Variants in CCDC191 observed in about 807,000 individuals in gnomAD.
CCDC191 encodes the protein coiled-coil domain containing 191.
CCDC191 carries 99 observed loss-of-function variants against 114.0 expected under a neutral mutation model. The ratio of observed to expected loss-of-function variants is 0.87; its 90% confidence interval spans 0.74 to 1.03. CCDC191 has a LOEUF of 1.03. CCDC191 is among the 50% of genes least tolerant of loss of function. The probability of loss-of-function intolerance (pLI) is 0.00; values close to 1 mark genes in which losing one functional copy is unlikely to be tolerated. For synonymous variants in CCDC191, 351 were observed against 376.0 expected, an observed-to-expected ratio of 0.93 and a Z score of 0.77; for missense variants, 973 against 1,087.0, an observed-to-expected ratio of 0.90 and a Z score of 1.47.
chr3:113,987,382 T>G (rs1417557115), intron 13 of CCDC191, among the ~76,000 whole-genome samples: 1 of 152,200 alleles, frequency 6.6e-6, no homozygotes, highest in Non-Finnish European at 1.5e-5. Context: ...ATAATCATCT[T>G]ATTTTTAATT....
At chr3:114,028,275 A>ATTT (rs920211150) in intron 7 of CCDC191, among the ~76,000 whole-genome samples, 107 of 126,864 alleles carry the variant, frequency 8.4e-4, no homozygotes, top group Non-Finnish European at 9.7e-4. Context: ...AATTCTAAAA[A>ATTT]TTTTTTTTTT....
At chr3:113,993,372 A>G (rs1354796445) in intron 13 of CCDC191, among the ~76,000 whole-genome samples, 1 of 152,234 alleles carries the variant, frequency 6.6e-6, no homozygotes, top group Non-Finnish European at 1.5e-5. Flanking sequence ...GTAATCAAAG[A>G]CAGTATTACT....
chr3:113,979,369 A>C (rs1408684856), intron 14 of CCDC191, among the ~76,000 whole-genome samples: 11 of 152,246 alleles, frequency 7.2e-5, no homozygotes, highest in African/African-American at 2.4e-4. Flanking sequence ...ACTCCACAAC[A>C]AACCTCTCTT....
chr3:114,036,579 T>C (rs1382691081), intron 5 of CCDC191, 29 bp downstream of exon 5: 4 of 1,517,020 alleles, frequency 2.6e-6, no homozygotes, highest in African/African-American at 1.4e-5. Context: ...CTTCCTGTTA[T>C]CCATTTTAAT....
intron 16 of CCDC191, among the ~76,000 whole-genome samples, chr3:113,968,463 T>C (rs899849738): frequency 2.7e-5 from 4 of 148,480 alleles, no homozygotes; most frequent in South Asian, 2.1e-4. Context: ...TCCCCCCCCT[T>C]TTTTTTTTAG....
intron 4 of CCDC191, among the ~76,000 whole-genome samples, chr3:114,038,103 T>A (rs572298933): frequency 5.3e-5 from 8 of 152,348 alleles, no homozygotes; most frequent in Non-Finnish European, 1.0e-4. Flanking sequence ...TTTCTCCACA[T>A]CCTTACTAAT....
At chr3:114,055,388 T>C (rs776889386) in intron 1 of CCDC191, among the ~76,000 whole-genome samples, 1 of 152,240 alleles carries the variant, frequency 6.6e-6, no homozygotes, top group Non-Finnish European at 1.5e-5. Flanking sequence ...TGTATTGAAA[T>C]AGCAGCAGCC....
At chr3:113,967,366 C>T (rs951242281) in intron 16 of CCDC191, among the ~76,000 whole-genome samples, 2 of 148,830 alleles carry the variant, frequency 1.3e-5, no homozygotes, top group Non-Finnish European at 1.5e-5. Flanking sequence ...CTAGATCATC[C>T]TTGCCTACAT....
At chr3:114,043,520 C>A (rs1025880823) in intron 3 of CCDC191, among the ~76,000 whole-genome samples, 1 of 152,064 alleles carries the variant, frequency 6.6e-6, no homozygotes, top group Non-Finnish European at 1.5e-5. Flanking sequence ...ACAGGACAGC[C>A]CCCACAAAAA....
chr3:114,042,932 A>T, intron 3 of CCDC191, 86 bp from the exon 4 acceptor site: 2 of 1,238,740 alleles, frequency 1.6e-6, no homozygotes, highest in African/African-American at 1.6e-5. Flanking sequence ...AATAAATATT[A>T]ATTGAGTACC....
At chr3:113,997,720 T>C (rs1264978481) in intron 13 of CCDC191, among the ~76,000 whole-genome samples, 3 of 152,182 alleles carry the variant, frequency 2.0e-5, no homozygotes, top group Non-Finnish European at 4.4e-5. Flanking sequence ...AAAATACATA[T>C]ACAGTCATAT....
Position 114,006,617 on chromosome 3 carries a change from TAA to T in CCDC191, c.1414-657_1414-656del, listed in dbSNP as rs1553747224. ...ATATATATATATATATATATATATATAAATATATATATTTTATATATAAAAAA... is the reference window on the plus strand; with the variant it reads ...ATATATATATATATATATATATATATATATATATATTTTATATATAAAAAA... On this transcript the variant is annotated intron_variant, in intron 9 of 16. Transcript: ENST00000295878. Among the ~76,000 whole-genome samples the T allele has an allele frequency of 1.8e-3, 216 of 118,424 alleles. 1 individual carries two copies. Among genetic ancestry groups the T allele is most frequent in the South Asian group, 7.2e-3 (30 of 4,170 alleles). The allele number at this position is 118,424 out of a possible 152,430, so 77.7% of individuals were successfully genotyped here. A position where few individuals can be genotyped will look rare whatever the true frequency, so the allele number is the denominator to read the frequency against.
At chr3:114,025,052 C>T (rs964119225) in intron 7 of CCDC191, among the ~76,000 whole-genome samples, 3 of 152,084 alleles carry the variant, frequency 2.0e-5, no homozygotes, top group Non-Finnish European at 4.4e-5. Context: ...AGAGAAAATA[C>T]ATTCAGTTCC....
intron 13 of CCDC191, among the ~76,000 whole-genome samples, chr3:113,991,118 C>G (rs578187734): frequency 2.4e-4 from 36 of 151,860 alleles, no homozygotes; most frequent in Admixed American, 1.5e-3. Context: ...TGCCTCTAAT[C>G]CCAGCTACTC....
Position 113,985,774 on chromosome 3 carries a change from C to T in CCDC191, c.2164-4981G>A, listed in dbSNP as rs930174180. On this transcript the variant is annotated intron_variant, in intron 13 of 16. Coordinates refer to ENST00000295878, the MANE Select transcript of CCDC191 (RefSeq NM_020817.2). ...TAAAGTCTCTGATGTCTACAGCATA[C>T]AGCAACAAACCTCAACAATGGTGAC... 1.3e-4 allele frequency among the ~76,000 whole-genome samples: 20 copies of T among 152,328 alleles called. No individual in the cohort carries two copies. In the South Asian group the frequency reaches 1.4e-3, roughly 11 times the overall value.
intron 11 of CCDC191, chr3:114,002,828 G>C (rs1474771771): frequency 1.1e-6 from 1 of 952,074 alleles, no homozygotes; most frequent in African/African-American, 1.8e-5. Context: ...GTGCCTTGAT[G>C]ATACTTTTAG....
intron 13 of CCDC191, among the ~76,000 whole-genome samples, chr3:113,992,314 G>A (rs538634514): frequency 6.6e-6 from 1 of 152,258 alleles, no homozygotes; most frequent in Admixed American, 6.5e-5. Flanking sequence ...AGCTGTGTAG[G>A]CTGCTGCCCA....
chr3:114,028,379 G>A (rs1346908679), intron 7 of CCDC191, among the ~76,000 whole-genome samples: 1 of 150,118 alleles, frequency 6.7e-6, no homozygotes. Context: ...TCTGCCTCCT[G>A]GGTTCACGCC....
Position 114,001,619 on chromosome 3 carries a change from T to A in CCDC191, c.2139A>T (p.Arg713=). The part of the protein sequence containing the change: ...EEKEAQLERK[R]EEKRLKKMKE... The stretch of plus-strand genomic sequence containing the variant: ...CCATTTTCTTCAGTCTCTTCTCTTC[T>A]CGTTTTCTTTCAAGCTGTGCCTCCT... The change falls in exon 13 of 17, where the codon CGA becomes CGT. Residue 713 remains arginine (R), a synonymous_variant. Transcript: ENST00000295878. The A allele has an allele frequency of 6.2e-7, 1 of 1,613,886 alleles. No homozygotes were observed. Among genetic ancestry groups the A allele is most frequent in the Non-Finnish European group, 8.5e-7 (1 of 1,179,822 alleles).
Sources: allele counts gnomAD v4.1 joint callset (sites outside exome capture counted in the v4.1 genomes callset), GRCh38; gene constraint gnomAD v4.1.1; transcripts MANE v1.5; gene names NCBI Gene and HGNC (gene_info 2026-07-23, HGNC 2026-07-21).